The following ACLY variants were observed in gnomAD, a reference collection of about 807,000 sequenced individuals.
ACLY encodes the protein ATP citrate lyase.
Under a neutral mutation model 133.0 loss-of-function variants are expected in ACLY, and 41 were observed. The ratio of observed to expected loss-of-function variants is 0.31; its 90% CI spans 0.24 to 0.40. The LOEUF (loss-of-function observed/expected upper bound fraction) is 0.40, where lower values mean the gene tolerates loss of function less well. ACLY is among the 10% of genes least tolerant of loss of function. The pLI is 1.00. For synonymous variants in ACLY, 495 were observed against 549.3 expected, an observed-to-expected ratio of 0.90 and a Z score of 1.38; for missense variants, 1,046 against 1,453.8, an observed-to-expected ratio of 0.72 and a Z score of 4.56.
intron 22 of ACLY, among the ~76,000 whole-genome samples, chr17:41,875,450 G>GGTCTCCCTCTCC (rs2048714798): frequency 7.1e-6 from 1 of 140,296 alleles, no homozygotes; most frequent in Non-Finnish European, 1.6e-5. Flanking sequence ...CTCTCCCCAC[G>GGTCTCCCTCTCC]GTCTCCCTCT....
chr17:41,909,541 G>A lies in ACLY; in HGVS notation c.505C>T (p.Leu169=), dbSNP rs371263579. 9.9e-6 allele frequency: 16 copies of A among 1,614,142 alleles called. No homozygotes were observed. The African/African-American group carries it at 2.0e-4, about 20-fold the overall frequency. Residue 169 remains leucine (L), a synonymous_variant, in exon 5 of 29, where the codon CTG becomes TTG. Coordinates refer to ENST00000352035, the MANE Select transcript of ACLY (RefSeq NM_001096.3). ...KLNPEDIKKH[L]LVHAPEDKKE... is the part of the protein sequence containing the mutation. The stretch of plus-strand genomic sequence containing the variant: ...TTGTCTTCAGGGGCGTGGACCAACA[G>A]GTGTTTTTTGATGTCCTCAGGATTC...
intron 23 of ACLY, 136 bp from the exon 24 acceptor site, chr17:41,872,318 AG>A: frequency 2.6e-6 from 2 of 761,064 alleles, no homozygotes; most frequent in South Asian, 3.6e-5. Context: ...CACAACTCTA[AG>A]GCAAAACCTC....
Position 41,867,211 on chromosome 17 carries a change from C to T in ACLY, c.*599G>A, listed in dbSNP as rs782210395. ...TGACAATGGCTAAGGATGCAATGGC[C>T]CCATCCCCCTGACATAAACAGACTC... On this transcript the variant is annotated 3_prime_UTR_variant, in exon 29 of 29. Coordinates refer to ENST00000352035, the MANE Select transcript of ACLY (RefSeq NM_001096.3). The T allele has an allele frequency of 4.6e-5, 7 of 152,596 alleles. No individual in the cohort carries two copies. Among genetic ancestry groups the T allele is most frequent in the African/African-American group, 7.2e-5 (3 of 41,430 alleles). The allele number at this position is 152,596 out of a possible 1,614,324, so 9.5% of individuals were successfully genotyped here. A position where few individuals can be genotyped will look rare whatever the true frequency, so the allele number is the denominator to read the frequency against.
Position 41,904,808 on chromosome 17 carries a change from G to GAGA in ACLY, c.1004-21_1004-19dup. ...GATCTTGCCTGGATTTGGAGTAAGA[G>GAGA]AGAATCAAAAACAGTTACATAGGTA... On this transcript the variant is annotated intron_variant, in intron 9 of 28. Coordinates refer to ENST00000352035, the MANE Select transcript of ACLY (RefSeq NM_001096.3). The GAGA allele has an allele frequency of 6.2e-7, 1 of 1,611,762 alleles. No individual in the cohort carries two copies.
intron 16 of ACLY, among the ~76,000 whole-genome samples, chr17:41,891,194 G>A (rs1299045345): frequency 1.3e-5 from 2 of 151,882 alleles, no homozygotes; most frequent in African/African-American, 4.8e-5. Context: ...ATCATGCCTG[G>A]CTAATCCTTT....
At chr17:41,921,491 A>C (rs559958492), upstream of ACLY, among the ~76,000 whole-genome samples, 1 of 150,012 alleles carries the variant, frequency 6.7e-6, no homozygotes, top group African/African-American at 2.5e-5. Flanking sequence ...AAAAAAAAAA[A>C]AAAACAAAAA....
chr17:41,913,705 C>G lies in ACLY; in HGVS notation c.159+10G>C. ...CTGGAAGAAAGGCCCAAAGTGGAGG[C>G]AGGGCTCACCTGGCTGAGCAGCCAG... On this transcript the variant is annotated intron_variant, in intron 2 of 28. Coordinates refer to ENST00000352035, the MANE Select transcript of ACLY (RefSeq NM_001096.3). The G allele has an allele frequency of 1.9e-6, 3 of 1,613,002 alleles. No homozygotes were observed. The highest frequency in any genetic ancestry group is 2.5e-6 in the Non-Finnish European group (3 of 1,179,510).
At chr17:41,884,150 T>C (rs2048991080) in intron 19 of ACLY, 43 bp downstream of exon 19, 1 of 1,220,660 alleles carries the variant, frequency 8.2e-7, no homozygotes, top group African/African-American at 1.5e-5. Flanking sequence ...AGATCATGCA[T>C]TACAGTTTTA....
chr17:41,921,983 G>T (rs571787065), upstream of ACLY, among the ~76,000 whole-genome samples: 3 of 151,930 alleles, frequency 2.0e-5, no homozygotes, highest in African/African-American at 7.2e-5. Flanking sequence ...ATCACTTGAG[G>T]CCAGGAGTTC....
At chr17:41,901,657 C>T (rs2049544621) in intron 11 of ACLY, 39 bp downstream of exon 11, 2 of 1,559,464 alleles carry the variant, frequency 1.3e-6, no homozygotes, top group South Asian at 1.1e-5. Context: ...AGGCCACCCA[C>T]ACTCAGGGTG....
Position 41,896,644 on chromosome 17 carries a change from C to T in ACLY, c.1435G>A (p.Val479Ile), listed in dbSNP as rs782300743. 5.7e-6 allele frequency: 9 copies of T among 1,572,816 alleles called. No homozygotes were observed. The Admixed American group carries it at 1.3e-4, about 22-fold the overall frequency. ...CCTTGCAGGGATCTTGGACTTGGGACTGAATCTGTCAAAGAAAATGACCAA... is the reference window on the plus strand; with the variant it reads ...CCTTGCAGGGATCTTGGACTTGGGATTGAATCTGTCAAAGAAAATGACCAA... The part of the protein sequence containing the change: ...KAKPAMPQDS[V>I]PSPRSLQGKS... Residue 479 changes from valine to isoleucine, a missense_variant, in exon 14 of 29, where the codon GTC (valine) becomes ATC (isoleucine). Val to Ile is a conservative substitution (Grantham distance 29). Around this residue, in one of 4 missense-constraint regions of ACLY, gnomAD observed 575 missense variants for 804.2 expected, o/e 0.71. Coordinates refer to ENST00000352035, the MANE Select transcript of ACLY (RefSeq NM_001096.3).
intron 21 of ACLY, 34 bp downstream of exon 21, chr17:41,878,763 G>C (rs374828926): frequency 6.1e-5 from 99 of 1,612,216 alleles, no homozygotes; most frequent in African/African-American, 2.9e-4. Flanking sequence ...TGGAAAGGAG[G>C]GGGAGGCCGG....
intron 1 of ACLY, among the ~76,000 whole-genome samples, chr17:41,924,748 A>G (rs1291758505): frequency 6.6e-6 from 1 of 151,800 alleles, no homozygotes; most frequent in Non-Finnish European, 1.5e-5. Context: ...GGCTAGTTCC[A>G]CTCCTGGGCA....
At chr17:41,873,557 C>T (rs1360175771) in intron 23 of ACLY, among the ~76,000 whole-genome samples, 3 of 152,232 alleles carry the variant, frequency 2.0e-5, no homozygotes, top group Admixed American at 6.5e-5. Flanking sequence ...CCAGTTCTCT[C>T]CTGCCTAACC....
In ACLY at chr17:41,910,342, C is replaced by A. The variant is rs185519067; in HGVS notation, c.283-58G>T. ...GGGACAGCACGTCTTGCCCCTAGGG[C>A]AGAAGGAGGGACTGCACAGGGGTGG... On this transcript the variant is annotated intron_variant, in intron 3 of 28. Coordinates refer to ENST00000352035, the MANE Select transcript of ACLY (RefSeq NM_001096.3). The A allele has an allele frequency of 8.4e-5, 126 of 1,508,248 alleles. No homozygotes were observed. In the Middle Eastern group the frequency reaches 8.6e-4, roughly 10 times the overall value. The allele number at this position is 1,508,248 out of a possible 1,614,324, so 93.4% of individuals were successfully genotyped here.
At chr17:41,928,351 A>G (rs1258218086) in intron 1 of ACLY, among the ~76,000 whole-genome samples, 1 of 152,094 alleles carries the variant, frequency 6.6e-6, no homozygotes, top group Non-Finnish European at 1.5e-5. Flanking sequence ...AATTGATCAT[A>G]TATGTGTGGA....
At chr17:41,914,752 A>C (rs1370880517) in intron 1 of ACLY, among the ~76,000 whole-genome samples, 11 of 152,158 alleles carry the variant, frequency 7.2e-5, no homozygotes, top group African/African-American at 2.7e-4. Flanking sequence ...TGAGAGGAGG[A>C]GGAGGAAGAG....
rs782378377 is a variant in ACLY at position 41,897,787 on chromosome 17, A to C, written c.1391T>G (p.Val464Gly). 6.2e-7 allele frequency: 1 copy of C among 1,612,932 alleles called. No homozygotes were observed. The highest frequency in any genetic ancestry group is 8.5e-7 in the Non-Finnish European group (1 of 1,179,540). The stretch of plus-strand genomic sequence containing the variant: ...AGGCTTGGCCTTCTTTGCAGGCGCC[A>C]CCTCATCGGCCCTGGACTCAGAAAA... ...ASFSESRADE[V>G]APAKKAKPAM... is the part of the protein sequence containing the mutation. The change falls in exon 13 of 29, where the codon GTG becomes GGG. Residue 464 changes from valine (V) to glycine (G), a missense_variant. Transcript: ENST00000352035.
At chr17:41,876,070 T>C (rs1223687113) in intron 22 of ACLY, among the ~76,000 whole-genome samples, 1 of 145,766 alleles carries the variant, frequency 6.9e-6, no homozygotes, top group African/African-American at 2.5e-5. Flanking sequence ...TCGTCTGAGA[T>C]GTGGGGATGA....
Sources: gnomAD v4.1 joint callset for allele counts (sites outside exome capture counted in the v4.1 genomes callset) on GRCh38, gnomAD v4.1.1 for gene constraint, gnomAD v4.1.1 regional missense constraint, MANE v1.5 for transcripts, NCBI Gene and HGNC (gene_info 2026-07-23, HGNC 2026-07-21) for gene names.